Variants in DIAPH3 observed in about 807,000 individuals in gnomAD.
DIAPH3 encodes protein diaphanous homolog 3.
DIAPH3 carries 117 observed loss-of-function variants against 144.3 expected under a neutral mutation model. That is an observed-to-expected ratio of 0.81 (90% CI 0.70 to 0.95). The LOEUF is 0.95. DIAPH3 is among the 40% of genes least tolerant of loss of function. The pLI is 0.00. For missense variants in DIAPH3, 1,421 were observed against 1,412.7 expected, an observed-to-expected ratio of 1.01 and a Z score of -0.09; for synonymous variants, 519 against 488.9, an observed-to-expected ratio of 1.06 and a Z score of -0.81.
chr13:60,158,961 C>T (rs1006497107), intron 1 of DIAPH3, among the ~76,000 whole-genome samples: 1 of 142,832 alleles, frequency 7.0e-6, no homozygotes, highest in Non-Finnish European at 1.5e-5. Context: ...CATTTTTTGC[C>T]ATATAAGGTA....
intron 15 of DIAPH3, 127 bp from the exon 16 acceptor site, chr13:59,971,287 T>C: frequency 1.1e-6 from 1 of 896,878 alleles, no homozygotes; most frequent in Non-Finnish European, 1.6e-6. Context: ...TTTCATAAGG[T>C]TTAACCAAAA....
At chr13:59,705,423 A>G (rs963940051) in intron 27 of DIAPH3, among the ~76,000 whole-genome samples, 20 of 152,202 alleles carry the variant, frequency 1.3e-4, no homozygotes, top group African/African-American at 4.6e-4. Flanking sequence ...TTTGTTTTCA[A>G]TGGTGGCAAA....
chr13:59,931,247 T>C (rs1170297716), intron 17 of DIAPH3, among the ~76,000 whole-genome samples: 3 of 152,194 alleles, frequency 2.0e-5, no homozygotes, highest in East Asian at 3.8e-4. Context: ...CTCCTCACCA[T>C]TGCCCTGGCT....
chr13:59,728,015 A>T (rs549866020), intron 27 of DIAPH3, among the ~76,000 whole-genome samples: 1 of 152,134 alleles, frequency 6.6e-6, no homozygotes, highest in South Asian at 2.1e-4. Context: ...TGCCTAGAGT[A>T]GTACATGGAA....
chr13:59,796,755 C>T (rs1302239528), intron 25 of DIAPH3, among the ~76,000 whole-genome samples: 1 of 152,074 alleles, frequency 6.6e-6, no homozygotes. Flanking sequence ...AAAAACCATA[C>T]TGTATAAGAA....
At chr13:59,787,262 C>T (rs9317092) in intron 25 of DIAPH3, among the ~76,000 whole-genome samples, 2,332 of 152,240 alleles carry the variant, frequency 0.015, 34 homozygotes, top group Non-Finnish European at 0.024. Flanking sequence ...TTGGATCTCA[C>T]CTTGTTATTT....
At chr13:59,785,918 C>T (rs2039009278) in intron 25 of DIAPH3, among the ~76,000 whole-genome samples, 1 of 152,100 alleles carries the variant, frequency 6.6e-6, no homozygotes, top group African/African-American at 2.4e-5. Context: ...TCATATGTTA[C>T]CACCTCCTTC....
At chr13:60,101,906 A>G (rs1381546613) in intron 3 of DIAPH3, among the ~76,000 whole-genome samples, 4 of 152,162 alleles carry the variant, frequency 2.6e-5, no homozygotes, top group African/African-American at 7.2e-5. Flanking sequence ...TGATTCATCA[A>G]TTCTTACAAC....
At chr13:59,839,284 T>C in intron 23 of DIAPH3, 40 bp downstream of exon 23, 1 of 1,609,112 alleles carries the variant, frequency 6.2e-7, no homozygotes, top group Non-Finnish European at 8.5e-7. Context: ...GTATCTCTAG[T>C]TGACTAGTGA....
chr13:59,797,816 A>G (rs918093772), intron 25 of DIAPH3, among the ~76,000 whole-genome samples: 1 of 152,144 alleles, frequency 6.6e-6, no homozygotes. Flanking sequence ...TGAGCTAAAC[A>G]TGGTTTATTT....
At chr13:60,144,714 G>A (rs1594773989) in intron 1 of DIAPH3, 1 of 152,278 alleles carries the variant, frequency 6.6e-6, no homozygotes, top group Admixed American at 6.5e-5. Context: ...CAAAGCAGAG[G>A]AAGCCACACA....
intron 4 of DIAPH3, among the ~76,000 whole-genome samples, chr13:60,073,270 C>T (rs1018860145): frequency 2.0e-5 from 3 of 151,466 alleles, no homozygotes; most frequent in Non-Finnish European, 4.4e-5. Flanking sequence ...GGCGGCGCCA[C>T]TGCACTCCAG....
intron 21 of DIAPH3, among the ~76,000 whole-genome samples, chr13:59,875,434 C>T (rs1313970562): frequency 6.6e-6 from 1 of 151,394 alleles, no homozygotes; most frequent in Admixed American, 6.6e-5. Flanking sequence ...TTTTTCACAT[C>T]ATAAGGGTTC....
chr13:60,110,401 C>G (rs1284540387), intron 3 of DIAPH3, among the ~76,000 whole-genome samples: 6 of 152,036 alleles, frequency 3.9e-5, no homozygotes, highest in Non-Finnish European at 8.8e-5. Context: ...AAAAATCAAG[C>G]CAGTTTAAAT....
chr13:59,728,099 T>C (rs1340176208), intron 27 of DIAPH3, among the ~76,000 whole-genome samples: 6 of 151,794 alleles, frequency 4.0e-5, no homozygotes, highest in Non-Finnish European at 7.4e-5. Flanking sequence ...AAAAAACAAA[T>C]AAATAAAAAT....
intron 3 of DIAPH3, among the ~76,000 whole-genome samples, chr13:60,094,923 G>C (rs1223212613): frequency 6.6e-6 from 1 of 152,172 alleles, no homozygotes; most frequent in African/African-American, 2.4e-5. Context: ...CCTGTTACGT[G>C]AATAAGTGTT....
chr13:60,151,578 C>A (rs1594789194), intron 1 of DIAPH3, among the ~76,000 whole-genome samples: 3 of 152,194 alleles, frequency 2.0e-5, no homozygotes, highest in East Asian at 1.9e-4. Flanking sequence ...ATGAACCAGG[C>A]AATATAAAGT....
chr13:59,810,822 T>C lies in DIAPH3; in HGVS notation c.3129A>G (p.Gln1043=). 2 of 1,613,742 alleles carry C rather than the reference T, an allele frequency of 1.2e-6. No homozygotes were observed. The highest frequency in any genetic ancestry group is 1.1e-5 in the South Asian group (1 of 91,014). ...TTTCTAATAAACGCTTTTTCTTTTG[T>C]TGGCGTTCGAGTCTTTCTCGCTCTG... ...ELAERERLER[Q]QKKKRLLEMK... is the part of the protein sequence containing the mutation. Residue 1043 remains glutamine, a synonymous_variant, in exon 25 of 28, where the codon CAA becomes CAG. Transcript: ENST00000400324.
intron 21 of DIAPH3, among the ~76,000 whole-genome samples, chr13:59,878,294 A>G (rs76376363): frequency 0.038 from 5,859 of 152,260 alleles, 126 homozygotes; most frequent in Non-Finnish European, 0.049. Context: ...GATGGGGCAA[A>G]GGAAACACTC....
Sources: gnomAD v4.1 joint callset for allele counts (sites outside exome capture counted in the v4.1 genomes callset) on GRCh38, gnomAD v4.1.1 for gene constraint, MANE v1.5 for transcripts, NCBI Gene and HGNC (gene_info 2026-07-23, HGNC 2026-07-21) for gene names.